Variants in WDR49 observed in about 807,000 individuals in gnomAD.
WDR49 encodes cilia- and flagella-associated protein 337.
WDR49 carries 107 observed loss-of-function variants against 119.5 expected under a neutral mutation model. The ratio of observed to expected loss-of-function variants is 0.90; its 90% CI spans 0.77 to 1.05. The LOEUF (loss-of-function observed/expected upper bound fraction) is 1.05, where lower values mean the gene tolerates loss of function less well. WDR49 is among the 50% of genes least tolerant of loss of function. The probability of loss-of-function intolerance (pLI) is 0.00; values close to 1 mark genes in which losing one functional copy is unlikely to be tolerated. For missense variants in WDR49, 1,240 were observed against 1,220.5 expected, an observed-to-expected ratio of 1.02 and a Z score of -0.24; for synonymous variants, 425 against 418.8, an observed-to-expected ratio of 1.01 and a Z score of -0.18.
intron 2 of WDR49, among the ~76,000 whole-genome samples, chr3:167,632,213 G>T (rs1717407993): frequency 6.6e-6 from 1 of 151,936 alleles, no homozygotes; most frequent in African/African-American, 2.4e-5. Flanking sequence ...CTATGAGCTG[G>T]TAGTTTATTT....
In WDR49 at chr3:167,555,994, G is replaced by A. The variant is rs114203477; in HGVS notation, c.1675-1196C>T. ...ATACTGTCAACAACTGTAACACAAT[G>A]GTAAGTATTTGCGTATCTAAACATA... On this transcript the variant is annotated intron_variant, in intron 9 of 18. Coordinates refer to ENST00000682715, the MANE Select transcript of WDR49 (RefSeq NM_001366157.1). Among the ~76,000 whole-genome samples the A allele has an allele frequency of 4.4e-3, 666 of 152,174 alleles. 9 individuals carry two copies. Among genetic ancestry groups the A allele is most frequent in the African/African-American group, 0.015 (622 of 41,524 alleles).
At chr3:167,600,344 T>C (rs558350224) in intron 7 of WDR49, among the ~76,000 whole-genome samples, 17 of 152,196 alleles carry the variant, frequency 1.1e-4, no homozygotes, top group South Asian at 6.2e-4. Flanking sequence ...GTTGCAGTCC[T>C]TGTGGTCCAT....
intron 3 of WDR49, among the ~76,000 whole-genome samples, chr3:167,626,410 G>A (rs1226429336): frequency 2.0e-5 from 3 of 151,974 alleles, no homozygotes; most frequent in Admixed American, 6.6e-5. Context: ...CTTACAGTAT[G>A]TTATCTTTCT....
chr3:167,483,960 C>T (rs1325158431), intron 18 of WDR49, among the ~76,000 whole-genome samples: 1 of 152,164 alleles, frequency 6.6e-6, no homozygotes, highest in African/African-American at 2.4e-5. Context: ...TTCATAGTAA[C>T]ATCTGCTAAG....
At chr3:167,542,430 C>T (rs1711902491) in intron 10 of WDR49, among the ~76,000 whole-genome samples, 1 of 152,028 alleles carries the variant, frequency 6.6e-6, no homozygotes, top group Non-Finnish European at 1.5e-5. Context: ...GAAGTTATAT[C>T]AAGTACCCTC....
At chr3:167,488,636 C>T (rs945335746) in intron 18 of WDR49, among the ~76,000 whole-genome samples, 3 of 152,136 alleles carry the variant, frequency 2.0e-5, no homozygotes, top group African/African-American at 7.2e-5. Context: ...TTCTTGCCTC[C>T]CTGGCCACAT....
upstream of WDR49, among the ~76,000 whole-genome samples, chr3:167,654,186 A>G (rs1202944052): frequency 1.3e-5 from 2 of 152,184 alleles, no homozygotes; most frequent in Non-Finnish European, 2.9e-5. Flanking sequence ...ATTATATAGG[A>G]TATATATTAT....
At chr3:167,612,367 CAA>C (rs141592571) in intron 5 of WDR49, among the ~76,000 whole-genome samples, 2 of 141,302 alleles carry the variant, frequency 1.4e-5, no homozygotes, top group African/African-American at 2.6e-5. Context: ...GTGCCTTCAT[CAA>C]AAAAAAAAGG....
chr3:167,493,832 T>C (rs1368799016), intron 18 of WDR49, among the ~76,000 whole-genome samples: 2 of 152,204 alleles, frequency 1.3e-5, no homozygotes, highest in Non-Finnish European at 2.9e-5. Context: ...AGGTGTCCCA[T>C]AGGCACCTCC....
chr3:167,519,947 G>GT (rs564765142), intron 16 of WDR49, among the ~76,000 whole-genome samples: 21 of 152,188 alleles, frequency 1.4e-4, no homozygotes, highest in African/African-American at 4.3e-4. Context: ...TTAAAAAAGT[G>GT]TTTAGGATGG....
intron 2 of WDR49, among the ~76,000 whole-genome samples, chr3:167,649,042 T>C (rs1338680633): frequency 6.6e-6 from 1 of 152,208 alleles, no homozygotes; most frequent in East Asian, 1.9e-4. Context: ...CCATCTCATT[T>C]TATCAGAGAT....
At position 167,632,142 on chromosome 3, in the gene WDR49, A is replaced by T. The variant is rs192500713; in HGVS notation, c.166-4850T>A. ...AACTATTACATAATGGCATCAATCA[A>T]TCTCTTAGATTGTCTCGTCAATAAA... On this transcript the variant is annotated intron_variant, in intron 2 of 18. Coordinates refer to ENST00000682715, the MANE Select transcript of WDR49 (RefSeq NM_001366157.1). Among the ~76,000 whole-genome samples the T allele has an allele frequency of 2.0e-5, 3 of 152,170 alleles. No homozygotes were observed. The South Asian group carries it at 6.2e-4, about 32-fold the overall frequency.
At chr3:167,657,610 C>T (rs905964026), upstream of WDR49, among the ~76,000 whole-genome samples, 1 of 150,998 alleles carries the variant, frequency 6.6e-6, no homozygotes, top group Admixed American at 6.6e-5. Flanking sequence ...TCTTTCTTTG[C>T]CCACCATTCA....
At chr3:167,626,068 T>A (rs981227744) in intron 3 of WDR49, among the ~76,000 whole-genome samples, 2 of 152,080 alleles carry the variant, frequency 1.3e-5, no homozygotes, top group African/African-American at 4.8e-5. Flanking sequence ...CATGACTGGA[T>A]ATTTCATGAT....
At chr3:167,595,415 G>A (rs77962603) in intron 7 of WDR49, among the ~76,000 whole-genome samples, 1 of 152,200 alleles carries the variant, frequency 6.6e-6, no homozygotes, top group African/African-American at 2.4e-5. Flanking sequence ...TGCCAAGTCA[G>A]TCCTAAGCCA....
chr3:167,624,685 T>C (rs913575285), intron 3 of WDR49, among the ~76,000 whole-genome samples: 2 of 152,012 alleles, frequency 1.3e-5, no homozygotes, highest in African/African-American at 4.8e-5. Context: ...CTATATTGAG[T>C]AAGCACAAAA....
intron 7 of WDR49, among the ~76,000 whole-genome samples, chr3:167,590,063 A>C (rs1481220720): frequency 6.6e-6 from 1 of 151,994 alleles, no homozygotes; most frequent in Non-Finnish European, 1.5e-5. Flanking sequence ...TATTATATTG[A>C]GTTATGTTTC....
intron 5 of WDR49, among the ~76,000 whole-genome samples, chr3:167,604,699 G>A (rs1435208898): frequency 6.6e-6 from 1 of 152,132 alleles, no homozygotes; most frequent in African/African-American, 2.4e-5. Flanking sequence ...TCTAGGGAAA[G>A]ATAAGCAGAG....
At chr3:167,570,891 C>A (rs1713900012) in intron 8 of WDR49, among the ~76,000 whole-genome samples, 2 of 151,944 alleles carry the variant, frequency 1.3e-5, no homozygotes, top group Non-Finnish European at 2.9e-5. Context: ...TGAAAAGTAG[C>A]CGGGCATGGT....
Sources: gnomAD v4.1 joint callset for allele counts (sites outside exome capture counted in the v4.1 genomes callset) on GRCh38, gnomAD v4.1.1 for gene constraint, MANE v1.5 for transcripts, NCBI Gene and HGNC (gene_info 2026-07-23, HGNC 2026-07-21) for gene names.